ATP6V1G3: variants seen among roughly 807,000 people sequenced by gnomAD.
ATP6V1G3 encodes V-type proton ATPase subunit G 3.
ATP6V1G3 carries 9 observed loss-of-function variants against 9.3 expected under a neutral mutation model. That is an observed-to-expected ratio of 0.97 (90% CI 0.59 to 1.69). The LOEUF (loss-of-function observed/expected upper bound fraction) is 1.69. Ranked by LOEUF, ATP6V1G3 falls within the 40% of genes most tolerant of loss-of-function variation. The pLI is 0.00. For missense variants in ATP6V1G3, 133 were observed against 139.0 expected (o/e 0.96, Z 0.22); for synonymous variants, 43 against 43.8 (o/e 0.98, Z 0.07).
chr1:198,536,687 G>A, intron 1 of ATP6V1G3: 1 of 1,604,524 alleles, frequency 6.2e-7, no homozygotes. Context: ...ACCAGAAGCA[G>A]TCCCAGTCTC....
chr1:198,535,738 T>C (rs999249424), intron 1 of ATP6V1G3, among the ~76,000 whole-genome samples: 3 of 152,106 alleles, frequency 2.0e-5, no homozygotes, highest in African/African-American at 7.2e-5. Flanking sequence ...TAGGTACTGT[T>C]AGTATCTCCA....
intron 1 of ATP6V1G3, among the ~76,000 whole-genome samples, chr1:198,531,452 G>A (rs1238703765): frequency 2.0e-5 from 3 of 152,090 alleles, no homozygotes; most frequent in Non-Finnish European, 2.9e-5. Context: ...CCAAAAGCGG[G>A]GAGAAAAGAC....
chr1:198,525,906 T>C (rs1571712553), intron 2 of ATP6V1G3, among the ~76,000 whole-genome samples: 1 of 152,152 alleles, frequency 6.6e-6, no homozygotes, highest in Non-Finnish European at 1.5e-5. Context: ...TAAAGATGAC[T>C]CTTAGCTCAG....
intron 2 of ATP6V1G3, among the ~76,000 whole-genome samples, chr1:198,527,918 T>C (rs1659723847): frequency 1.3e-5 from 2 of 152,232 alleles, no homozygotes; most frequent in South Asian, 2.1e-4. Flanking sequence ...AACAATTGAA[T>C]AGAGATCAAA....
chr1:198,535,756 G>C (rs1284019558), intron 1 of ATP6V1G3, among the ~76,000 whole-genome samples: 4 of 151,936 alleles, frequency 2.6e-5, no homozygotes, highest in African/African-American at 7.3e-5. Context: ...CCATTTTGAG[G>C]CTGAGGAAAC....
At chr1:198,533,299 C>CT (rs1659980891) in intron 1 of ATP6V1G3, among the ~76,000 whole-genome samples, 2 of 133,400 alleles carry the variant, frequency 1.5e-5, no homozygotes, top group African/African-American at 3.0e-5. Flanking sequence ...GAGACTCTGT[C>CT]TAAAAAAAAA....
chr1:198,523,872 T>C (rs1245162362), intron 2 of ATP6V1G3, among the ~76,000 whole-genome samples: 1 of 152,174 alleles, frequency 6.6e-6, no homozygotes, highest in Non-Finnish European at 1.5e-5. Context: ...TTTCATGTAT[T>C]TATGACAGTT....
At chr1:198,539,062 T>C (rs1245845348) in intron 1 of ATP6V1G3, among the ~76,000 whole-genome samples, 1 of 152,156 alleles carries the variant, frequency 6.6e-6, no homozygotes, top group Non-Finnish European at 1.5e-5. Flanking sequence ...AAAAAGAAAT[T>C]GAGAAATAGG....
At chr1:198,525,176 A>T (rs1659605496) in intron 2 of ATP6V1G3, among the ~76,000 whole-genome samples, 1 of 152,226 alleles carries the variant, frequency 6.6e-6, no homozygotes, top group Non-Finnish European at 1.5e-5. Flanking sequence ...GAAGAGAACT[A>T]CTTATTAAAA....
At chr1:198,540,853 T>C (rs1660317840), upstream of ATP6V1G3, 4 of 598,950 alleles carry the variant, frequency 6.7e-6, no homozygotes, top group South Asian at 8.1e-5. Flanking sequence ...GTTAAACCAA[T>C]GTGCATAAAT....
chr1:198,530,680 T>C (rs1002763958), intron 1 of ATP6V1G3, among the ~76,000 whole-genome samples: 1 of 152,182 alleles, frequency 6.6e-6, no homozygotes, highest in Non-Finnish European at 1.5e-5. Flanking sequence ...TTGTATATAC[T>C]GATTCCTTCA....
At chr1:198,535,834 G>A (rs1183778543) in intron 1 of ATP6V1G3, among the ~76,000 whole-genome samples, 2 of 152,096 alleles carry the variant, frequency 1.3e-5, no homozygotes, top group African/African-American at 4.8e-5. Context: ...AAGTTAGACT[G>A]GCATCCAGGC....
chr1:198,533,778 G>A (rs558847111), intron 1 of ATP6V1G3, among the ~76,000 whole-genome samples: 4 of 152,242 alleles, frequency 2.6e-5, no homozygotes, highest in South Asian at 2.1e-4. Flanking sequence ...ATTGGGGTCC[G>A]ACTTTAAGGA....
Position 198,523,476 on chromosome 1 carries a change from T to G in ATP6V1G3, c.272A>C (p.Tyr91Ser). 6.2e-7 allele frequency: 1 copy of G among 1,613,598 alleles called. No individual in the cohort carries two copies. Among genetic ancestry groups the G allele is most frequent in the South Asian group, 1.1e-5 (1 of 91,054 alleles). The change falls in exon 3 of 3, where the codon TAT (tyrosine) becomes TCT (serine). Residue 91 changes from tyrosine (Y) to serine (S), a missense_variant. Physicochemically the swap from Tyr to Ser is moderately radical, Grantham distance 144 (BLOSUM62 -2). Transcript: ENST00000367382. ...GAGCTGGTTCATCACACTTTCCATA[T>G]ACTTATTGTAGTGTCCATTAAGTTC... Reference protein sequence around the residue: ...IQELNGHYNKYMESVMNQLLS... With the variant: ...IQELNGHYNKSMESVMNQLLS...
upstream of ATP6V1G3, chr1:198,540,795 G>A (rs928282665): frequency 3.7e-6 from 3 of 800,312 alleles, no homozygotes; most frequent in Admixed American, 2.2e-5. Flanking sequence ...TTATTGGGCT[G>A]GATAGCTGGG....
At chr1:198,533,667 T>G (rs1375223922) in intron 1 of ATP6V1G3, among the ~76,000 whole-genome samples, 1 of 152,160 alleles carries the variant, frequency 6.6e-6, no homozygotes, top group Non-Finnish European at 1.5e-5. Context: ...GCTGGGAATA[T>G]CAAGTTTGGG....
intron 1 of ATP6V1G3, among the ~76,000 whole-genome samples, chr1:198,531,300 T>C (rs896069145): frequency 6.6e-6 from 1 of 152,206 alleles, no homozygotes; most frequent in Non-Finnish European, 1.5e-5. Context: ...TAAAGCCTAC[T>C]GTTCTGTTAG....
At chr1:198,538,841 G>A (rs1489126169) in intron 1 of ATP6V1G3, among the ~76,000 whole-genome samples, 1 of 141,388 alleles carries the variant, frequency 7.1e-6, no homozygotes, top group Non-Finnish European at 1.5e-5. Context: ...AGGTGGCAAG[G>A]AGCCCAGATC....
intron 1 of ATP6V1G3, among the ~76,000 whole-genome samples, chr1:198,538,357 AT>A (rs1660203187): frequency 6.6e-6 from 1 of 152,192 alleles, no homozygotes; most frequent in Non-Finnish European, 1.5e-5. Context: ...TTATTCTGAA[AT>A]TTGAAGCCAG....
Sources: allele counts gnomAD v4.1 joint callset (sites outside exome capture counted in the v4.1 genomes callset), GRCh38; gene constraint gnomAD v4.1.1; transcripts MANE v1.5; gene names NCBI Gene and HGNC (gene_info 2026-07-23, HGNC 2026-07-21).